TBC1D19: variants seen among roughly 807,000 people sequenced by gnomAD.
TBC1D19 encodes TBC1 domain family member 19.
In TBC1D19, 60 loss-of-function variants were observed where a neutral mutation model predicts 89.0. That is an observed-to-expected ratio of 0.67 (90% confidence interval 0.55 to 0.84). The LOEUF is 0.84. Ranked by LOEUF, TBC1D19 falls within the 40% of genes least tolerant of loss-of-function variation. The pLI, the probability that TBC1D19 is intolerant of heterozygous loss-of-function variation, is 0.00. For missense variants in TBC1D19, 500 were observed against 610.8 expected (o/e 0.82, Z 1.91); for synonymous variants, 189 against 199.7 (o/e 0.95, Z 0.45).
the TBC1D19 span, among the ~76,000 whole-genome samples, chr4:26,791,018 T>C: frequency 2.4e-3 from 359 of 152,310 alleles, 9 homozygotes; most frequent in East Asian, 0.048. Context: ...TCTTTAGCTC[T>C]TTTCTTGACA....
the TBC1D19 span, among the ~76,000 whole-genome samples, chr4:26,770,618 T>C: frequency 6.6e-6 from 1 of 152,080 alleles, no homozygotes; most frequent in African/African-American, 2.4e-5. Context: ...CAACTATGTC[T>C]AACTGCATTT....
chr4:26,714,410 C>T (rs181299325), intron 13 of TBC1D19, among the ~76,000 whole-genome samples: 37 of 152,146 alleles, frequency 2.4e-4, no homozygotes, highest in African/African-American at 8.4e-4. Context: ...AAACTACTCT[C>T]GTCAAGGTCA....
intron 7 of TBC1D19, among the ~76,000 whole-genome samples, chr4:26,652,457 C>T (rs1159499233): frequency 6.6e-6 from 1 of 152,052 alleles, no homozygotes; most frequent in South Asian, 2.1e-4. Context: ...CCAGGCAGGT[C>T]TCGAACTCCT....
intron 7 of TBC1D19, among the ~76,000 whole-genome samples, chr4:26,641,533 G>A (rs7686188): frequency 0.013 from 2,047 of 152,298 alleles, 40 homozygotes; most frequent in African/African-American, 0.047. Context: ...CCAAAGGATC[G>A]CAGCTCCTTG....
intron 1 of TBC1D19, among the ~76,000 whole-genome samples, chr4:26,599,846 G>T (rs1740476419): frequency 6.6e-6 from 1 of 151,158 alleles, no homozygotes; most frequent in Non-Finnish European, 1.5e-5. Flanking sequence ...TACTGAGGAG[G>T]CTGAGGCAGG....
At chr4:26,670,414 A>G (rs1257568278) in intron 9 of TBC1D19, among the ~76,000 whole-genome samples, 2 of 151,652 alleles carry the variant, frequency 1.3e-5, no homozygotes, top group African/African-American at 4.8e-5. Flanking sequence ...AAACTAAAAA[A>G]TTATCTAATA....
chr4:26,825,693 T>A, the TBC1D19 span, among the ~76,000 whole-genome samples: 1 of 152,182 alleles, frequency 6.6e-6, no homozygotes, highest in Non-Finnish European at 1.5e-5. Flanking sequence ...GCCAGACTTT[T>A]GGGTGCAACT....
chr4:26,735,894 CAAT>C (rs1430384098), intron 16 of TBC1D19, among the ~76,000 whole-genome samples: 1 of 151,158 alleles, frequency 6.6e-6, no homozygotes, highest in Non-Finnish European at 1.5e-5. Context: ...AGTCAGGAAA[CAAT>C]AGGTGCTGGA....
the TBC1D19 span, among the ~76,000 whole-genome samples, chr4:26,800,383 A>C: frequency 6.6e-6 from 1 of 152,038 alleles, no homozygotes; most frequent in Non-Finnish European, 1.5e-5. Context: ...TATGTGCTAC[A>C]TTTTCTTAAT....
chr4:26,838,222 A>G, the TBC1D19 span, among the ~76,000 whole-genome samples: 1 of 152,166 alleles, frequency 6.6e-6, no homozygotes, highest in Non-Finnish European at 1.5e-5. Context: ...CTGAGTGTAG[A>G]ATGGGCCAGT....
chr4:26,584,335 G>T lies in TBC1D19; in HGVS notation c.99+43G>T, dbSNP rs775135379. The stretch of plus-strand genomic sequence containing the variant: ...GGAAGGGATGCAGACGGGCGGGGCC[G>T]CGGCGATGTCTCTTCTTCACCCTCC... On this transcript the variant is annotated intron_variant, in intron 1 of 20. Coordinates refer to ENST00000264866, the MANE Select transcript of TBC1D19 (RefSeq NM_018317.4). 1.0e-4 allele frequency: 162 copies of T among 1,553,074 alleles called. No individual in the cohort carries two copies. In the East Asian group the frequency reaches 3.7e-3, roughly 35 times the overall value.
chr4:26,764,420 G>A, the TBC1D19 span, among the ~76,000 whole-genome samples: 1 of 152,164 alleles, frequency 6.6e-6, no homozygotes, highest in Non-Finnish European at 1.5e-5. Context: ...TAGTTGTTCA[G>A]GAGCCTGTGT....
At chr4:26,709,545 G>T (rs75210877) in intron 13 of TBC1D19, among the ~76,000 whole-genome samples, 3,403 of 152,084 alleles carry the variant, frequency 0.022, 55 homozygotes, top group Non-Finnish European at 0.026. Flanking sequence ...GGAGGATGGG[G>T]TGCTTTTTTC....
rs1172283897 is a variant in TBC1D19, at chr4:26,728,362, C to A, written c.1085-7093C>A. 2.0e-5 allele frequency among the ~76,000 whole-genome samples: 3 copies of A among 152,180 alleles called. No individual in the cohort carries two copies. The East Asian group carries it at 5.8e-4, about 29-fold the overall frequency. On this transcript the variant is annotated intron_variant, in intron 15 of 20. Coordinates refer to ENST00000264866, the MANE Select transcript of TBC1D19 (RefSeq NM_018317.4). ...TTTATAAGGCATCAAAATATGCCTACTATTTATTAACTTATTTTTCTCTCT... is the reference window on the plus strand; with the variant it reads ...TTTATAAGGCATCAAAATATGCCTAATATTTATTAACTTATTTTTCTCTCT...
At chr4:26,700,971 A>G (rs1317830791) in intron 13 of TBC1D19, among the ~76,000 whole-genome samples, 1 of 152,006 alleles carries the variant, frequency 6.6e-6, no homozygotes, top group African/African-American at 2.4e-5. Context: ...AGTCTACATG[A>G]CCCTGCATTA....
intron 1 of TBC1D19, among the ~76,000 whole-genome samples, chr4:26,577,145 T>A (rs535427968): frequency 4.6e-5 from 7 of 152,280 alleles, no homozygotes; most frequent in African/African-American, 1.4e-4. Context: ...TGGTCTGTCC[T>A]ATGGATTTCA....
intron 7 of TBC1D19, among the ~76,000 whole-genome samples, chr4:26,657,438 G>C (rs1027890423): frequency 6.6e-6 from 1 of 152,142 alleles, no homozygotes; most frequent in East Asian, 1.9e-4. Context: ...TGGCTATGTA[G>C]TATTCCATGG....
At chr4:26,610,940 T>TAA (rs1161914197) in intron 1 of TBC1D19, among the ~76,000 whole-genome samples, 1 of 152,206 alleles carries the variant, frequency 6.6e-6, no homozygotes, top group Non-Finnish European at 1.5e-5. Context: ...GTAGAATGAT[T>TAA]TATATTCCTT....
At chr4:26,793,781 C>T in the TBC1D19 span, among the ~76,000 whole-genome samples, 1 of 150,786 alleles carries the variant, frequency 6.6e-6, no homozygotes, top group Non-Finnish European at 1.5e-5. Context: ...TCTATGTTGA[C>T]TTTATTCTCA....
Sources: gnomAD v4.1 joint callset for allele counts (sites outside exome capture counted in the v4.1 genomes callset) on GRCh38, gnomAD v4.1.1 for gene constraint, MANE v1.5 for transcripts, NCBI Gene and HGNC (gene_info 2026-07-23, HGNC 2026-07-21) for gene names.